Variants in ATP13A4 observed in about 807,000 individuals in gnomAD.
The protein encoded by ATP13A4 is probable cation-transporting ATPase 13A4.
A neutral mutation model predicts 142.5 loss-of-function variants in ATP13A4; 114 were observed. That is an observed-to-expected ratio of 0.80 (90% CI 0.69 to 0.93). ATP13A4 has a LOEUF of 0.93. Ranked by LOEUF, ATP13A4 falls within the 40% of genes least tolerant of loss-of-function variation. The pLI, the probability that ATP13A4 is intolerant of heterozygous loss-of-function variation, is 0.00. For missense variants in ATP13A4, 1,392 were observed against 1,454.0 expected (o/e 0.96, Z 0.69); for synonymous variants, 488 against 514.8 (o/e 0.95, Z 0.70).
chr3:193,535,466 C>CA lies in ATP13A4; in HGVS notation c.60+19273dup, dbSNP rs999765076. Among the ~76,000 whole-genome samples, 962 of 149,182 alleles carry CA rather than the reference C, an allele frequency of 6.4e-3. 12 individuals carry two copies. The highest frequency in any genetic ancestry group is 0.021 in the African/African-American group (856 of 40,682). The stretch of plus-strand genomic sequence containing the variant: ...CAGGGGAAGTCTCAAGATAAAAAAA[C>CA]AAAAAAAAATACATTAAATTGAATG... On this transcript the variant is annotated intron_variant, in intron 1 of 29. Transcript: ENST00000342695.
chr3:193,526,459 G>A (rs1722009056), intron 1 of ATP13A4, among the ~76,000 whole-genome samples: 1 of 152,100 alleles, frequency 6.6e-6, no homozygotes, highest in African/African-American at 2.4e-5. Context: ...GTTGCAGGGT[G>A]GGGAGCAAGG....
intron 5 of ATP13A4, among the ~76,000 whole-genome samples, 195 bp downstream of exon 5, chr3:193,492,722 G>A (rs972541264): frequency 6.6e-5 from 10 of 152,086 alleles, no homozygotes; most frequent in African/African-American, 2.4e-4. Flanking sequence ...GATAATGTCT[G>A]TTCTACCTGC....
At chr3:193,444,512 A>G (rs1716829390) in intron 18 of ATP13A4, among the ~76,000 whole-genome samples, 1 of 152,260 alleles carries the variant, frequency 6.6e-6, no homozygotes, top group African/African-American at 2.4e-5. Context: ...ATGAAAACAC[A>G]GAAACAGAAA....
chr3:193,590,645 T>C (rs1218345266), intron 1 of ATP13A4, among the ~76,000 whole-genome samples: 1 of 152,236 alleles, frequency 6.6e-6, no homozygotes, highest in Non-Finnish European at 1.5e-5. Flanking sequence ...AGTTAAACTA[T>C]AAACTACATT....
intron 2 of ATP13A4, among the ~76,000 whole-genome samples, chr3:193,561,867 A>G (rs1038574508): frequency 3.9e-5 from 6 of 152,134 alleles, no homozygotes; most frequent in African/African-American, 1.2e-4. Flanking sequence ...GTCTTTTCAC[A>G]TGCCTCTTTT....
In ATP13A4 at chr3:193,519,935, G is replaced by A. The variant is rs375821227; in HGVS notation, c.61-5064C>T. Among the ~76,000 whole-genome samples, 116 of 152,048 alleles carry A rather than the reference G, an allele frequency of 7.6e-4. 1 individual carries two copies. The highest frequency in any genetic ancestry group is 2.7e-3 in the African/African-American group (111 of 41,460). On this transcript the variant is annotated intron_variant, in intron 1 of 29. Transcript: ENST00000342695. ...GCTGGGATTACAGGCGTGAACCACCGCACCTGGCCTGCAATTTCTATTTTT... is the reference window on the plus strand; with the variant it reads ...GCTGGGATTACAGGCGTGAACCACCACACCTGGCCTGCAATTTCTATTTTT...
chr3:193,429,027 T>G (rs1715828425), intron 25 of ATP13A4, among the ~76,000 whole-genome samples: 1 of 152,066 alleles, frequency 6.6e-6, no homozygotes, highest in African/African-American at 2.4e-5. Context: ...AGAAGACATG[T>G]AAATGGCTGA....
At chr3:193,406,136 T>G (rs1271713254) in intron 29 of ATP13A4, among the ~76,000 whole-genome samples, 1 of 152,158 alleles carries the variant, frequency 6.6e-6, no homozygotes, top group African/African-American at 2.4e-5. Context: ...ACACTGCGGG[T>G]AGGGCTGGGC....
At chr3:193,451,542 G>A (rs1284955730) in intron 17 of ATP13A4, among the ~76,000 whole-genome samples, 2 of 152,102 alleles carry the variant, frequency 1.3e-5, no homozygotes, top group Non-Finnish European at 2.9e-5. Flanking sequence ...TTCCTTAAGG[G>A]GTCTTAAGCC....
At chr3:193,454,509 C>T (rs142957396) in intron 16 of ATP13A4, among the ~76,000 whole-genome samples, 1 of 152,298 alleles carries the variant, frequency 6.6e-6, no homozygotes, top group East Asian at 1.9e-4. Flanking sequence ...TACCATCTGG[C>T]AGGCATTGGC....
chr3:193,563,024 G>A (rs1012799092), intron 2 of ATP13A4, among the ~76,000 whole-genome samples: 3 of 152,134 alleles, frequency 2.0e-5, no homozygotes, highest in South Asian at 2.1e-4. Flanking sequence ...TCCATGATAC[G>A]GTATTGTTGG....
intron 8 of ATP13A4, among the ~76,000 whole-genome samples, chr3:193,475,804 T>A (rs1479629508): frequency 6.6e-6 from 1 of 152,068 alleles, no homozygotes; most frequent in African/African-American, 2.4e-5. Context: ...ATAATTTGAC[T>A]GTACATTTCT....
At chr3:193,561,815 A>G (rs78090732) in intron 2 of ATP13A4, among the ~76,000 whole-genome samples, 4,663 of 152,208 alleles carry the variant, frequency 0.031, 79 homozygotes, top group African/African-American at 0.038. Context: ...CCAGCTTCCA[A>G]TCTAATCTCT....
chr3:193,505,422 T>C (rs1720808012), intron 2 of ATP13A4, among the ~76,000 whole-genome samples: 1 of 152,158 alleles, frequency 6.6e-6, no homozygotes, highest in South Asian at 2.1e-4. Flanking sequence ...TATTAAAAAC[T>C]GACATTCATC....
chr3:193,550,898 C>T (rs1343624090), intron 1 of ATP13A4, among the ~76,000 whole-genome samples: 1 of 152,168 alleles, frequency 6.6e-6, no homozygotes, highest in Non-Finnish European at 1.5e-5. Flanking sequence ...ATGATACCTT[C>T]GTTCAGCCAT....
intron 6 of ATP13A4, 48 bp downstream of exon 6, chr3:193,491,281 C>A: frequency 2.1e-6 from 3 of 1,412,284 alleles, no homozygotes; most frequent in Non-Finnish European, 2.0e-6. Flanking sequence ...TAGAGCCAAA[C>A]TTCCTTATTT....
At chr3:193,562,764 G>C (rs983436619) in intron 2 of ATP13A4, among the ~76,000 whole-genome samples, 1 of 152,106 alleles carries the variant, frequency 6.6e-6, no homozygotes. Context: ...CCAGCTACTC[G>C]GGAGGCTGAG....
intron 1 of ATP13A4, among the ~76,000 whole-genome samples, chr3:193,518,461 C>G (rs1475734632): frequency 6.6e-6 from 1 of 152,094 alleles, no homozygotes; most frequent in Non-Finnish European, 1.5e-5. Flanking sequence ...GGAAGGAAAG[C>G]AAGGGAATGA....
At position 193,543,663 on chromosome 3, in the gene ATP13A4, C is replaced by G. The variant is rs543108649; in HGVS notation, c.60+11077G>C. On this transcript the variant is annotated intron_variant, in intron 1 of 29. Transcript: ENST00000342695. ...GTAGAATGCTACAAAGAACATCACA[C>G]TCCCCCTAACAACCAGGAAAAAATA... Among the ~76,000 whole-genome samples the G allele has an allele frequency of 9.9e-5, 15 of 152,282 alleles. No individual in the cohort carries two copies. In the South Asian group the frequency reaches 1.0e-3, roughly 11 times the overall value.
Sources: gnomAD v4.1 joint callset for allele counts (sites outside exome capture counted in the v4.1 genomes callset) on GRCh38, gnomAD v4.1.1 for gene constraint, MANE v1.5 for transcripts, NCBI Gene and HGNC (gene_info 2026-07-23, HGNC 2026-07-21) for gene names.